Variants in TSPAN1 observed in about 807,000 individuals in gnomAD.
TSPAN1 encodes tetraspanin-1.
Under a neutral mutation model 26.9 loss-of-function variants are expected in TSPAN1, and 23 were observed. That is an observed-to-expected ratio of 0.85 (90% confidence interval 0.62 to 1.21). The LOEUF (loss-of-function observed/expected upper bound fraction) is 1.21. Ranked by LOEUF, TSPAN1 falls within the 50% of genes most tolerant of loss-of-function variation. The pLI is 0.00. For missense variants in TSPAN1, 283 were observed against 298.4 expected (o/e 0.95, Z 0.38); for synonymous variants, 115 against 114.8 (o/e 1.00, Z -0.01).
At chr1:46,176,496 G>T in intron 1 of TSPAN1, 2 of 1,533,970 alleles carry the variant, frequency 1.3e-6, no homozygotes, top group African/African-American at 2.7e-5. Flanking sequence ...TCTGCAGTGT[G>T]CCTGGGGGGT....
chr1:46,188,334 C>T (rs1657487040), downstream of TSPAN1, among the ~76,000 whole-genome samples: 1 of 152,194 alleles, frequency 6.6e-6, no homozygotes, highest in Non-Finnish European at 1.5e-5. Context: ...TTTCCTCTTC[C>T]AACTCCCCAG....
In TSPAN1 at chr1:46,175,360, C is replaced by T. The variant is rs1165925927; in HGVS notation, c.-191C>T. On this transcript the variant is annotated 5_prime_UTR_variant, in exon 1 of 9. Transcript: ENST00000372003. Reference sequence around the variant, plus strand: ...TATGTTGCTGACCTTGTCCTGTCCTCCTGCTGTCTTAAACTATGATCCCTG... The same window carrying T: ...TATGTTGCTGACCTTGTCCTGTCCTTCTGCTGTCTTAAACTATGATCCCTG... 2.6e-6 allele frequency: 1 copy of T among 378,266 alleles called. No homozygotes were observed. The highest frequency in any genetic ancestry group is 4.7e-6 in the Non-Finnish European group (1 of 213,878). 23.4% of individuals were successfully genotyped at this position (378,266 alleles called of 1,614,324 possible).
the TSPAN1 span, chr1:46,191,123 T>TG: frequency 2.8e-5 from 10 of 359,248 alleles, no homozygotes; most frequent in East Asian, 7.0e-4. Flanking sequence ...CAGGAGGTGG[T>TG]GGGCAAAGGG....
intron 8 of TSPAN1, 88 bp from the exon 9 acceptor site, chr1:46,185,398 C>A: frequency 6.2e-7 from 1 of 1,607,986 alleles, no homozygotes; most frequent in Non-Finnish European, 8.5e-7. Context: ...AAACAGACTT[C>A]TAACTGGGCC....
the TSPAN1 span, chr1:46,193,372 AC>A: frequency 1.2e-6 from 2 of 1,612,946 alleles, no homozygotes; most frequent in Non-Finnish European, 8.5e-7. Flanking sequence ...AAACAGTGCC[AC>A]CACATCCATG....
At chr1:46,188,739 G>A (rs769094628), downstream of TSPAN1, 12 of 1,609,268 alleles carry the variant, frequency 7.5e-6, no homozygotes, top group African/African-American at 8.0e-5. Flanking sequence ...TTGGAAATCT[G>A]GACAAAGAGA....
At chr1:46,187,965 A>ACC (rs1657474309), downstream of TSPAN1, among the ~76,000 whole-genome samples, 1 of 151,622 alleles carries the variant, frequency 6.6e-6, no homozygotes, top group African/African-American at 2.4e-5. Context: ...GGTGCTCCAC[A>ACC]CTCATCCTCC....
At chr1:46,192,966 G>A in the TSPAN1 span, 1 of 1,614,144 alleles carries the variant, frequency 6.2e-7, no homozygotes, top group Non-Finnish European at 8.5e-7. Flanking sequence ...CTCCTAGAAG[G>A]GGAATGGGAC....
At chr1:46,188,592 G>A, downstream of TSPAN1, 2 of 1,454,854 alleles carry the variant, frequency 1.4e-6, no homozygotes, top group Non-Finnish European at 1.8e-6. Context: ...GTGGAGGACA[G>A]TAAGGAAAAC....
At chr1:46,192,180 C>T in the TSPAN1 span, 35 of 1,614,078 alleles carry the variant, frequency 2.2e-5, no homozygotes, top group East Asian at 4.5e-5. Context: ...CTCTCGGCCC[C>T]GGCGTTGTTC....
At chr1:46,193,786 T>A in the TSPAN1 span, 29 of 1,605,310 alleles carry the variant, frequency 1.8e-5, no homozygotes, top group Non-Finnish European at 2.5e-5. Context: ...CCTCAAGAGT[T>A]CCTCCTGGAG....
In TSPAN1 at chr1:46,185,125, G is replaced by A; in HGVS notation, c.594+10G>A. 1.9e-6 allele frequency: 3 copies of A among 1,614,224 alleles called. No homozygotes were observed. The highest frequency in any genetic ancestry group is 3.3e-4 in the Middle Eastern group (2 of 6,062). ...CGACCAAAAAGTAGAGGTGTGGGCTGGCATGAGTGGGTGGGGACTGTTTTC... is the reference window on the plus strand; with the variant it reads ...CGACCAAAAAGTAGAGGTGTGGGCTAGCATGAGTGGGTGGGGACTGTTTTC... On this transcript the variant is annotated intron_variant, in intron 7 of 8. Coordinates refer to ENST00000372003, the MANE Select transcript of TSPAN1 (RefSeq NM_005727.4).
Position 46,184,589 on chromosome 1 carries a change from C to G in TSPAN1, c.265-5C>G. The G allele has an allele frequency of 6.2e-7, 1 of 1,614,168 alleles. No individual in the cohort carries two copies. On this transcript the variant is annotated splice_polypyrimidine_tract_variant and splice_region_variant and intron_variant, in intron 4 of 8. Coordinates refer to ENST00000372003, the MANE Select transcript of TSPAN1 (RefSeq NM_005727.4). Reference sequence around the variant, plus strand: ...CTAAAACCCAGACCCCTGTTCCCCACTCAGTTCTTCTTCATCCTCCTCCTC... The same window carrying G: ...CTAAAACCCAGACCCCTGTTCCCCAGTCAGTTCTTCTTCATCCTCCTCCTC...
downstream of TSPAN1, chr1:46,190,428 T>C: frequency 6.5e-7 from 1 of 1,535,422 alleles, no homozygotes; most frequent in Non-Finnish European, 9.0e-7. Context: ...TCCCCAGTAT[T>C]TGACTCTTTG....
the TSPAN1 span, chr1:46,194,646 C>A: frequency 6.2e-7 from 1 of 1,614,140 alleles, no homozygotes; most frequent in Admixed American, 1.7e-5. Context: ...TCCCCGAAGA[C>A]AGGACCTGGC....
chr1:46,182,794 TTTGTTG>T (rs113298952), intron 3 of TSPAN1, among the ~76,000 whole-genome samples: 11 of 150,950 alleles, frequency 7.3e-5, no homozygotes, highest in Admixed American at 4.6e-4. Context: ...AACTTGTGTT[TTTGTTG>T]TTGTTGTTGT....
chr1:46,192,680 G>T, the TSPAN1 span: 1 of 1,601,240 alleles, frequency 6.2e-7, no homozygotes, highest in African/African-American at 1.3e-5. Flanking sequence ...TGGGTCTCAG[G>T]AGCACCTCCT....
Position 46,185,607 on chromosome 1 carries a change from T to G in TSPAN1, c.*74T>G, listed in dbSNP as rs1657414422. The G allele has an allele frequency of 2.6e-6, 4 of 1,529,712 alleles. No individual in the cohort carries two copies. The East Asian group carries it at 9.0e-5, about 34-fold the overall frequency. The allele number at this position is 1,529,712 out of a possible 1,614,324, so 94.8% of individuals were successfully genotyped here. Reference sequence around the variant, plus strand: ...AGGCACCCTGGCAAGCAGCAGTGATTGGGGGAGGGGACAGGATCTAACAAT... The same window carrying G: ...AGGCACCCTGGCAAGCAGCAGTGATGGGGGGAGGGGACAGGATCTAACAAT... On this transcript the variant is annotated 3_prime_UTR_variant, in exon 9 of 9. Coordinates refer to ENST00000372003, the MANE Select transcript of TSPAN1 (RefSeq NM_005727.4).
downstream of TSPAN1, chr1:46,188,763 G>A: frequency 6.2e-7 from 1 of 1,612,772 alleles, no homozygotes; most frequent in Non-Finnish European, 8.5e-7. Flanking sequence ...CTGAGAGGAG[G>A]CCTGGTCCAG....
Sources: allele counts gnomAD v4.1 joint callset (sites outside exome capture counted in the v4.1 genomes callset), GRCh38; gene constraint gnomAD v4.1.1; transcripts MANE v1.5; gene names NCBI Gene and HGNC (gene_info 2026-07-23, HGNC 2026-07-21).